Variants in ROBO2 observed in about 807,000 individuals in gnomAD.
ROBO2 encodes the protein roundabout guidance receptor 2.
A neutral mutation model predicts 160.8 loss-of-function variants in ROBO2; 53 were observed. That is an observed-to-expected ratio of 0.33 (90% CI 0.26 to 0.41). ROBO2 has a LOEUF of 0.41. ROBO2 is among the 10% of genes least tolerant of loss of function. The pLI is 1.00. For missense variants in ROBO2, 1,577 were observed against 1,722.4 expected, an observed-to-expected ratio of 0.92 and a Z score of 1.49; for synonymous variants, 664 against 611.7, an observed-to-expected ratio of 1.09 and a Z score of -1.26.
intron 21 of ROBO2, among the ~76,000 whole-genome samples, chr3:77,613,780 G>T (rs982210983): frequency 1.9e-4 from 29 of 152,140 alleles, no homozygotes; most frequent in Non-Finnish European, 4.1e-4. Context: ...TTATAAACAT[G>T]TGAAAAGTTA....
chr3:76,565,701 C>T (rs543151702), intron 2 of ROBO2, among the ~76,000 whole-genome samples: 21 of 152,246 alleles, frequency 1.4e-4, no homozygotes, highest in African/African-American at 5.1e-4. Context: ...GGGTTGACCA[C>T]TCTGTGTAAT....
intron 2 of ROBO2, among the ~76,000 whole-genome samples, chr3:76,181,820 TATC>T (rs3039238): frequency 0.31 from 47,711 of 151,730 alleles, 8,446 homozygotes; most frequent in Non-Finnish European, 0.4. Context: ...AAAAGGATGA[TATC>T]ATCTGTAGAG....
intron 2 of ROBO2, among the ~76,000 whole-genome samples, chr3:76,815,823 C>A (rs138631144): frequency 6.6e-6 from 1 of 152,018 alleles, no homozygotes; most frequent in South Asian, 2.1e-4. Context: ...CCTTTCCTCA[C>A]TCATATTTAG....
chr3:76,696,169 C>A (rs1278497852), intron 2 of ROBO2, among the ~76,000 whole-genome samples: 2 of 152,110 alleles, frequency 1.3e-5, no homozygotes, highest in African/African-American at 4.8e-5. Flanking sequence ...CGTAACGAGT[C>A]TAGCCTCCGC....
chr3:76,577,064 T>A (rs1371616334), intron 2 of ROBO2, among the ~76,000 whole-genome samples: 1 of 152,090 alleles, frequency 6.6e-6, no homozygotes, highest in Non-Finnish European at 1.5e-5. Flanking sequence ...ATATTCTTTA[T>A]AACAGAAGCA....
At chr3:76,996,711 C>T (rs2061033421) in intron 2 of ROBO2, among the ~76,000 whole-genome samples, 1 of 152,134 alleles carries the variant, frequency 6.6e-6, no homozygotes, top group African/African-American at 2.4e-5. Context: ...AAGTCGAGTA[C>T]ATTCTTACCA....
intron 2 of ROBO2, among the ~76,000 whole-genome samples, chr3:76,978,938 GT>G (rs372115904): frequency 1.5e-5 from 2 of 132,236 alleles, no homozygotes; most frequent in African/African-American, 5.7e-5. Context: ...TTGTTTGTTT[GT>G]TTTTTAAAAA....
intron 2 of ROBO2, among the ~76,000 whole-genome samples, chr3:76,252,619 CAG>C (rs994265854): frequency 6.6e-5 from 10 of 150,952 alleles, no homozygotes; most frequent in Non-Finnish European, 1.2e-4. Flanking sequence ...ATGTGAAAGA[CAG>C]AAAAATATCA....
At chr3:77,633,872 C>T (rs943836442) in intron 23 of ROBO2, 1 of 152,130 alleles carries the variant, frequency 6.6e-6, no homozygotes, top group African/African-American at 2.4e-5. Flanking sequence ...GCAGTGAGAA[C>T]GTGCAAGGAA....
intron 2 of ROBO2, among the ~76,000 whole-genome samples, chr3:76,406,386 A>G (rs1192769909): frequency 6.6e-6 from 1 of 151,920 alleles, no homozygotes; most frequent in East Asian, 1.9e-4. Flanking sequence ...ATTTGTAGCA[A>G]TAGTTGTAAA....
At chr3:77,096,015 TA>T (rs2071011987) in intron 1 of ROBO2, among the ~76,000 whole-genome samples, 1 of 152,230 alleles carries the variant, frequency 6.6e-6, no homozygotes, top group African/African-American at 2.4e-5. Context: ...CTGATGTGAT[TA>T]AAAAAATAGC....
intron 2 of ROBO2, among the ~76,000 whole-genome samples, chr3:76,208,291 T>C (rs1702929586): frequency 6.6e-6 from 1 of 152,212 alleles, no homozygotes; most frequent in South Asian, 2.1e-4. Context: ...AGGAATGCTC[T>C]CCTTGTAATG....
At chr3:77,008,104 T>A (rs1050272734) in intron 2 of ROBO2, among the ~76,000 whole-genome samples, 8 of 152,070 alleles carry the variant, frequency 5.3e-5, no homozygotes, top group African/African-American at 1.7e-4. Flanking sequence ...TGATGCTTCA[T>A]GCATACTATA....
intron 2 of ROBO2, among the ~76,000 whole-genome samples, chr3:77,221,422 G>T (rs148549895): frequency 2.5e-4 from 38 of 152,246 alleles, no homozygotes; most frequent in African/African-American, 8.4e-4. Flanking sequence ...AGCTAGTAAG[G>T]GTGACACTGA....
At chr3:75,975,771 A>G (rs2065118708) in intron 2 of ROBO2, among the ~76,000 whole-genome samples, 1 of 151,608 alleles carries the variant, frequency 6.6e-6, no homozygotes. Context: ...TGTATCTGTG[A>G]TCTATAATTT....
rs755450888 is a variant in ROBO2 at position 77,098,355 on chromosome 3, T to C, written c.388+15T>C. 11 of 1,611,732 alleles carry C rather than the reference T, an allele frequency of 6.8e-6. No homozygotes were observed. The highest frequency in any genetic ancestry group is 9.3e-6 in the Non-Finnish European group (11 of 1,177,834). On this transcript the variant is annotated intron_variant, in intron 2 of 25. Coordinates refer to ENST00000461745, the Ensembl canonical transcript of ROBO2. Reference sequence around the variant, plus strand: ...GGAAGTGGCATGTAAGTGAACATAATGAACCTCATGTGCACATTTACTTTT... The same window carrying C: ...GGAAGTGGCATGTAAGTGAACATAACGAACCTCATGTGCACATTTACTTTT...
intron 2 of ROBO2, chr3:76,435,438 C>G: frequency 2.6e-6 from 2 of 770,412 alleles, no homozygotes; most frequent in South Asian, 2.7e-5. Context: ...GGCAAAGTGT[C>G]TCTGGGTTCT....
intron 22 of ROBO2, among the ~76,000 whole-genome samples, chr3:77,620,519 C>A (rs1392004901): frequency 6.6e-6 from 1 of 152,186 alleles, no homozygotes; most frequent in African/African-American, 2.4e-5. Context: ...CTTTTCTGTA[C>A]TAATACTTAG....
intron 2 of ROBO2, among the ~76,000 whole-genome samples, chr3:76,641,634 A>T (rs543941602): frequency 6.6e-6 from 1 of 152,346 alleles, no homozygotes; most frequent in African/African-American, 2.4e-5. Context: ...AAACAAAAAA[A>T]ACCCACAAAG....
Sources: allele counts gnomAD v4.1 joint callset (sites outside exome capture counted in the v4.1 genomes callset), GRCh38; gene constraint gnomAD v4.1.1; transcripts MANE v1.5; gene names NCBI Gene and HGNC (gene_info 2026-07-23, HGNC 2026-07-21).